GIGYF2: variants seen among roughly 807,000 people sequenced by gnomAD.
The protein encoded by GIGYF2 is GRB10 interacting GYF protein 2, also known as GRB10-interacting GYF protein 2.
In GIGYF2, 25 loss-of-function variants were observed where a neutral mutation model predicts 208.1. The observed-to-expected ratio is 0.12, with a 90% CI of 0.09 to 0.17. The LOEUF (loss-of-function observed/expected upper bound fraction) is 0.17, where lower values mean the gene tolerates loss of function less well. GIGYF2 is among the 10% of genes least tolerant of loss of function. The pLI is 1.00. For missense variants in GIGYF2, 1,302 were observed against 1,579.4 expected (o/e 0.82, Z 2.98); for synonymous variants, 534 against 543.8 (o/e 0.98, Z 0.25).
intron 21 of GIGYF2, among the ~76,000 whole-genome samples, chr2:232,827,864 T>C (rs1252924065): frequency 6.6e-6 from 1 of 152,258 alleles, no homozygotes; most frequent in Non-Finnish European, 1.5e-5. Context: ...TCACACTTTT[T>C]AGTATGTTGC....
At chr2:232,814,095 A>G (rs1041452869) in intron 18 of GIGYF2, among the ~76,000 whole-genome samples, 1 of 151,488 alleles carries the variant, frequency 6.6e-6, no homozygotes, top group African/African-American at 2.4e-5. Flanking sequence ...CACGTTGGCC[A>G]GGCTGATTTC....
intron 12 of GIGYF2, among the ~76,000 whole-genome samples, chr2:232,792,679 T>A (rs907152360): frequency 2.0e-5 from 3 of 152,228 alleles, no homozygotes; most frequent in African/African-American, 7.2e-5. Flanking sequence ...CTTAGCTTCC[T>A]GGTTAGCTCA....
intron 21 of GIGYF2, among the ~76,000 whole-genome samples, chr2:232,821,999 C>T (rs73997547): frequency 7.4e-5 from 11 of 148,680 alleles, no homozygotes; most frequent in Admixed American, 6.7e-4. Flanking sequence ...TTTGCCTGTC[C>T]TTAAATGAGT....
chr2:232,799,724 A>G (rs1170124362), intron 14 of GIGYF2, among the ~76,000 whole-genome samples: 3 of 152,170 alleles, frequency 2.0e-5, no homozygotes, highest in African/African-American at 4.8e-5. Context: ...ACTATTTTCC[A>G]CAGTGACTAT....
intron 22 of GIGYF2, among the ~76,000 whole-genome samples, chr2:232,838,749 A>G (rs1315977793): frequency 6.6e-6 from 1 of 151,880 alleles, no homozygotes; most frequent in Admixed American, 6.6e-5. Flanking sequence ...GACAAAGTTA[A>G]TTTTTGCTCA....
At chr2:232,784,635 C>T (rs1699853700) in intron 8 of GIGYF2, among the ~76,000 whole-genome samples, 1 of 151,910 alleles carries the variant, frequency 6.6e-6, no homozygotes, top group African/African-American at 2.4e-5. Flanking sequence ...CCTTAGCCTC[C>T]CAAAGTGCTG....
At chr2:232,775,983 G>A (rs1699495121) in intron 8 of GIGYF2, among the ~76,000 whole-genome samples, 1 of 151,982 alleles carries the variant, frequency 6.6e-6, no homozygotes, top group Non-Finnish European at 1.5e-5. Flanking sequence ...ATTAATTTCC[G>A]CAATAATTCC....
At chr2:232,764,832 G>A (rs770914798) in intron 8 of GIGYF2, among the ~76,000 whole-genome samples, 43 of 152,166 alleles carry the variant, frequency 2.8e-4, no homozygotes, top group Non-Finnish European at 5.4e-4. Context: ...GAATAGTCAA[G>A]TTTAGTCGTT....
chr2:232,751,769 C>A (rs1698343430), intron 5 of GIGYF2, among the ~76,000 whole-genome samples: 1 of 152,110 alleles, frequency 6.6e-6, no homozygotes, highest in Admixed American at 6.5e-5. Context: ...CCAGAAACAT[C>A]TTGTAACATT....
At chr2:232,771,517 A>G (rs1394933894) in intron 8 of GIGYF2, 1 of 559,088 alleles carries the variant, frequency 1.8e-6, no homozygotes, top group Admixed American at 3.2e-5. Flanking sequence ...TTTTCTCTTC[A>G]CGTTAGATGG....
intron 22 of GIGYF2, among the ~76,000 whole-genome samples, chr2:232,838,277 TGTGC>T (rs1323279096): frequency 2.0e-5 from 3 of 151,736 alleles, no homozygotes; most frequent in African/African-American, 7.3e-5. Context: ...TGTATGTGTG[TGTGC>T]ATGTGTATAT....
chr2:232,711,703 A>ATGTG (rs142853054), intron 2 of GIGYF2, among the ~76,000 whole-genome samples: 3,456 of 126,488 alleles, frequency 0.027, 171 homozygotes, highest in African/African-American at 0.098. Context: ...CCTCACAATG[A>ATGTG]TGTATATATA....
chr2:232,730,604 TA>T (rs35629015), intron 2 of GIGYF2, among the ~76,000 whole-genome samples: 90 of 113,012 alleles, frequency 8.0e-4, no homozygotes, highest in Non-Finnish European at 8.3e-4. Flanking sequence ...GACTCAGTCT[TA>T]AAAAAAAAAA....
chr2:232,844,149 C>A lies in GIGYF2; in HGVS notation c.2993C>A (p.Thr998Asn). ...GGGAATGTCAGCAAACCTTCAGGTA[C>A]CACGAAATCTCTTCTGGAGATCCAG... ...GWGNVSKPSG[T>N]TKSLLEIQQE... The change falls in exon 24 of 29, where the codon ACC (threonine) becomes AAC (asparagine). Residue 998 changes from threonine (T) to asparagine (N), a missense_variant. By Grantham distance (65) the Thr-to-Asn change is moderately conservative. Around this residue, in one of 8 missense-constraint regions of GIGYF2, gnomAD observed 701 missense variants for 793.0 expected, o/e 0.88. Transcript: ENST00000373563. 6.3e-7 allele frequency: 1 copy of A among 1,575,690 alleles called. No individual in the cohort carries two copies. The highest frequency in any genetic ancestry group is 8.6e-7 in the Non-Finnish European group (1 of 1,158,408).
At chr2:232,786,741 A>C (rs981019644) in intron 8 of GIGYF2, among the ~76,000 whole-genome samples, 1 of 152,178 alleles carries the variant, frequency 6.6e-6, no homozygotes, top group African/African-American at 2.4e-5. Context: ...CAACATTTAT[A>C]ACATCCTGAG....
chr2:232,835,332 A>G (rs751677358), intron 22 of GIGYF2, among the ~76,000 whole-genome samples: 5 of 151,968 alleles, frequency 3.3e-5, no homozygotes, highest in African/African-American at 4.8e-5. Context: ...CTCTTTATCA[A>G]TATTCTTTAT....
At chr2:232,851,753 A>G (rs1213174794) in intron 28 of GIGYF2, among the ~76,000 whole-genome samples, 1 of 152,204 alleles carries the variant, frequency 6.6e-6, no homozygotes. Flanking sequence ...ATGTAAAATT[A>G]GTGGCTATAA....
intron 5 of GIGYF2, 35 bp from the exon 6 acceptor site, chr2:232,756,188 C>G (rs1559406650): frequency 1.7e-6 from 2 of 1,211,954 alleles, no homozygotes; most frequent in East Asian, 4.8e-5. Context: ...TTCTTTTTTT[C>G]CTTTTTCTCT....
At chr2:232,807,814 C>A (rs1041951015) in intron 15 of GIGYF2, among the ~76,000 whole-genome samples, 15 of 152,274 alleles carry the variant, frequency 9.9e-5, no homozygotes, top group Admixed American at 3.3e-4. Context: ...TCAGGTGGTC[C>A]TCCCACCTTG....
Sources: gnomAD v4.1 joint callset for allele counts (sites outside exome capture counted in the v4.1 genomes callset) on GRCh38, gnomAD v4.1.1 for gene constraint, gnomAD v4.1.1 regional missense constraint, MANE v1.5 for transcripts, NCBI Gene and HGNC (gene_info 2026-07-23, HGNC 2026-07-21) for gene names.